ARMC2: variants seen among roughly 807,000 people sequenced by gnomAD.
ARMC2 encodes armadillo repeat-containing protein 2.
A neutral mutation model predicts 90.3 loss-of-function variants in ARMC2; 67 were observed. That is an observed-to-expected ratio of 0.74 (90% CI 0.61 to 0.91). The LOEUF (loss-of-function observed/expected upper bound fraction) is 0.91, where lower values mean the gene tolerates loss of function less well. Among genes scored for constraint, ARMC2 ranks in the 40% least tolerant of loss-of-function variants. The pLI is 0.00. For missense variants in ARMC2, 920 were observed against 1,030.9 expected, an observed-to-expected ratio of 0.89 and a Z score of 1.47; for synonymous variants, 393 against 393.0, an observed-to-expected ratio of 1.00 and a Z score of 0.00.
At chr6:108,980,563 C>T in the ARMC2 span, among the ~76,000 whole-genome samples, 6 of 152,142 alleles carry the variant, frequency 3.9e-5, no homozygotes, top group Non-Finnish European at 8.8e-5. Context: ...TCAGAGCCAG[C>T]AGGCAGGGAC....
chr6:108,956,312 T>G (rs948364064), intron 13 of ARMC2, among the ~76,000 whole-genome samples: 3 of 152,168 alleles, frequency 2.0e-5, no homozygotes, highest in East Asian at 1.9e-4. Context: ...TTATAAATAT[T>G]TTATGAGCTT....
the ARMC2 span, among the ~76,000 whole-genome samples, chr6:109,047,456 A>T: frequency 2.9e-5 from 3 of 104,728 alleles, no homozygotes; most frequent in African/African-American, 3.4e-5. Flanking sequence ...CAGCCGCCCC[A>T]TCCGGGAGGG....
chr6:109,046,231 T>C, the ARMC2 span, among the ~76,000 whole-genome samples: 1 of 149,156 alleles, frequency 6.7e-6, no homozygotes, highest in Non-Finnish European at 1.5e-5. Context: ...GTGCCTGCGA[T>C]TGCAGGCACG....
intron 5 of ARMC2, among the ~76,000 whole-genome samples, chr6:108,883,091 T>TA (rs763014420): frequency 7.2e-5 from 11 of 152,210 alleles, no homozygotes; most frequent in Non-Finnish European, 1.5e-4. Context: ...GAAAGTTTCA[T>TA]ATGGCTCTCC....
At chr6:109,023,863 C>G in the ARMC2 span, among the ~76,000 whole-genome samples, 2 of 152,110 alleles carry the variant, frequency 1.3e-5, no homozygotes, top group East Asian at 3.8e-4. Flanking sequence ...AAGTCACTTT[C>G]ATATATTTAA....
chr6:108,980,473 G>A, the ARMC2 span, among the ~76,000 whole-genome samples: 1 of 151,972 alleles, frequency 6.6e-6, no homozygotes. Context: ...GGGTGGCCAG[G>A]GAACCACTTG....
At chr6:108,853,547 T>C (rs1055194019) in intron 1 of ARMC2, among the ~76,000 whole-genome samples, 11 of 152,190 alleles carry the variant, frequency 7.2e-5, no homozygotes, top group Non-Finnish European at 1.3e-4. Context: ...ATCTGTCCTA[T>C]TTTAAAGTTC....
the ARMC2 span, among the ~76,000 whole-genome samples, chr6:108,984,588 A>C: frequency 2.0e-5 from 3 of 152,324 alleles, no homozygotes; most frequent in East Asian, 3.9e-4. Context: ...ATCAACATAC[A>C]AATGTAGGGG....
chr6:108,896,238 A>G (rs540733640), intron 6 of ARMC2, among the ~76,000 whole-genome samples: 3 of 152,312 alleles, frequency 2.0e-5, no homozygotes, highest in South Asian at 4.1e-4. Context: ...GTTAACAACT[A>G]TAACCACTGA....
intron 1 of ARMC2, among the ~76,000 whole-genome samples, chr6:108,851,592 T>G (rs1774017361): frequency 6.6e-6 from 1 of 152,134 alleles, no homozygotes; most frequent in Admixed American, 6.5e-5. Context: ...GGTAAGAGTT[T>G]GAATATTATC....
the ARMC2 span, among the ~76,000 whole-genome samples, chr6:109,014,312 A>G: frequency 2.0e-5 from 3 of 152,248 alleles, no homozygotes; most frequent in African/African-American, 7.2e-5. Flanking sequence ...ACTCCTGTGT[A>G]TCAGACACAA....
chr6:109,011,131 CTTATCTT>C, the ARMC2 span, among the ~76,000 whole-genome samples: 2 of 152,118 alleles, frequency 1.3e-5, no homozygotes, highest in Non-Finnish European at 1.5e-5. Context: ...ATGAAGAATG[CTTATCTT>C]TCCATTTTCT....
rs138847489 is a variant in ARMC2 at position 108,931,315 on chromosome 6, A to G, written c.1496+3082A>G. ...ATAGGTACCACATTTTCTTTATCCAATCTGTCAATGATGGGCACTTAGGTT... is the reference window on the plus strand; with the variant it reads ...ATAGGTACCACATTTTCTTTATCCAGTCTGTCAATGATGGGCACTTAGGTT... On this transcript the variant is annotated intron_variant, in intron 11 of 17. Transcript: ENST00000392644. Among the ~76,000 whole-genome samples the G allele has an allele frequency of 4.2e-3, 632 of 151,894 alleles. 14 individuals are homozygous for G. The highest frequency in any genetic ancestry group is 0.014 in the African/African-American group (587 of 41,232).
At chr6:108,867,935 A>AAAAT (rs1457287082) in intron 3 of ARMC2, among the ~76,000 whole-genome samples, 2 of 152,288 alleles carry the variant, frequency 1.3e-5, no homozygotes, top group South Asian at 2.1e-4. Flanking sequence ...ACTCCATCTC[A>AAAAT]AAATAAATAA....
intron 17 of ARMC2, among the ~76,000 whole-genome samples, chr6:108,968,193 G>A (rs1953062179): frequency 6.6e-6 from 1 of 152,150 alleles, no homozygotes; most frequent in African/African-American, 2.4e-5. Context: ...CCTTTTAAAA[G>A]CATGTTTATT....
At chr6:109,003,328 T>C in the ARMC2 span, among the ~76,000 whole-genome samples, 1 of 150,254 alleles carries the variant, frequency 6.7e-6, no homozygotes, top group Admixed American at 6.7e-5. Context: ...AAGTTCTTCA[T>C]GATATAAACC....
intron 1 of ARMC2, among the ~76,000 whole-genome samples, chr6:108,851,330 G>A (rs560760880): frequency 2.7e-4 from 41 of 152,288 alleles, no homozygotes; most frequent in African/African-American, 9.4e-4. Context: ...AAGTCTACCT[G>A]ATGTCTTCCC....
At chr6:109,049,478 G>C in the ARMC2 span, among the ~76,000 whole-genome samples, 3 of 151,990 alleles carry the variant, frequency 2.0e-5, no homozygotes, top group Non-Finnish European at 2.9e-5. Flanking sequence ...AGCAATGTAG[G>C]ATAACTATAG....
At chr6:109,034,543 T>C in the ARMC2 span, among the ~76,000 whole-genome samples, 1 of 152,216 alleles carries the variant, frequency 6.6e-6, no homozygotes, top group Non-Finnish European at 1.5e-5. Flanking sequence ...ATTCTCTCCT[T>C]CTTCTGTGGT....
Sources: allele counts gnomAD v4.1 joint callset (sites outside exome capture counted in the v4.1 genomes callset), GRCh38; gene constraint gnomAD v4.1.1; transcripts MANE v1.5; gene names NCBI Gene and HGNC (gene_info 2026-07-23, HGNC 2026-07-21).